CLASP2: variants seen among roughly 807,000 people sequenced by gnomAD.
CLASP2 encodes the protein CLIP-associating protein 2.
A neutral mutation model predicts 194.4 loss-of-function variants in CLASP2; 47 were observed. The ratio of observed to expected loss-of-function variants is 0.24; its 90% CI spans 0.19 to 0.31. The LOEUF is 0.31. Among genes scored for constraint, CLASP2 ranks in the 10% least tolerant of loss-of-function variants. The pLI, the probability that CLASP2 is intolerant of heterozygous loss-of-function variation, is 1.00. For synonymous variants in CLASP2, 619 were observed against 633.5 expected (o/e 0.98, Z 0.34); for missense variants, 1,445 against 1,823.6 (o/e 0.79, Z 3.78).
chr3:33,696,882 T>C lies in CLASP2; in HGVS notation c.247A>G (p.Thr83Ala), dbSNP rs1327354882. The change falls in exon 2 of 39, where the codon ACA becomes GCA. Residue 83 changes from threonine (T) to alanine (A), a missense_variant. Physicochemically the swap from Thr to Ala is moderately conservative, Grantham distance 58. This residue lies in a region of CLASP2 where 332 missense variants were observed against 325.3 expected (regional missense o/e 1.02). Coordinates refer to ENST00000682230, the MANE Select transcript of CLASP2 (RefSeq NM_001365631.1). Reference protein sequence around the residue: ...ILSAFVDRLSTRFKSYVAMVI... With the variant: ...ILSAFVDRLSARFKSYVAMVI... ...ATTGCTACATAGGATTTAAAGCGTG[T>C]TGATAATCTGTCCACAAAGGCACTT... 1 of 1,596,036 alleles carries C rather than the reference T, an allele frequency of 6.3e-7. No individual in the cohort carries two copies. The highest frequency in any genetic ancestry group is 1.1e-5 in the South Asian group (1 of 88,168).
At position 33,576,171 on chromosome 3, in the gene CLASP2, A is replaced by T; in HGVS notation, c.2452T>A (p.Leu818Met). The change falls in exon 24 of 39, where the codon TTG (leucine) becomes ATG (methionine). Residue 818 changes from leucine (L) to methionine (M), a missense_variant and splice_region_variant. Physicochemically the swap from Leu to Met is conservative, Grantham distance 15. Coordinates refer to ENST00000682230, the MANE Select transcript of CLASP2 (RefSeq NM_001365631.1). Reference protein sequence around the residue: ...SDVEEAVADALKKPARRRYES... With the variant: ...SDVEEAVADAMKKPARRRYES... ...GATAAGAAAATGGAGAAGAGTACCA[A>T]GGCATCTGCCACCGCCTCCTCCACA... is the stretch of plus-strand genomic sequence containing the variant. 1 of 1,611,906 alleles carries T rather than the reference A, an allele frequency of 6.2e-7. No homozygotes were observed. The highest frequency in any genetic ancestry group is 8.5e-7 in the Non-Finnish European group (1 of 1,178,012).
At chr3:33,624,127 A>G (rs2077578022) in intron 10 of CLASP2, among the ~76,000 whole-genome samples, 1 of 152,176 alleles carries the variant, frequency 6.6e-6, no homozygotes, top group Non-Finnish European at 1.5e-5. Flanking sequence ...AAAAAGAGAT[A>G]CACACACGTG....
intron 36 of CLASP2, 134 bp downstream of exon 36, chr3:33,515,889 T>A: frequency 1.3e-6 from 1 of 778,124 alleles, no homozygotes; most frequent in East Asian, 3.0e-5. Flanking sequence ...TATGCTTGCA[T>A]CTCGATCAGG....
chr3:33,548,484 A>G (rs569989778), intron 30 of CLASP2, among the ~76,000 whole-genome samples: 316 of 151,846 alleles, frequency 2.1e-3, no homozygotes, highest in Non-Finnish European at 3.8e-3. Flanking sequence ...TTTTTAGTAG[A>G]GACAGGGTTT....
intron 34 of CLASP2, among the ~76,000 whole-genome samples, chr3:33,530,132 T>A (rs111975601): frequency 0.025 from 3,515 of 141,926 alleles, 129 homozygotes; most frequent in African/African-American, 0.088. Context: ...AAAAAAAAAA[T>A]AAGTATGAGT....
At chr3:33,528,697 G>C (rs1455213179) in intron 34 of CLASP2, among the ~76,000 whole-genome samples, 1 of 151,962 alleles carries the variant, frequency 6.6e-6, no homozygotes, top group African/African-American at 2.4e-5. Flanking sequence ...AGGAGGCAGA[G>C]GTTGCTGTGA....
Position 33,684,439 on chromosome 3 carries a change from T to C in CLASP2, c.564A>G (p.Ile188Met), listed in dbSNP as rs1418546147. Residue 188 changes from isoleucine (I) to methionine (M), a missense_variant, in exon 6 of 39, where the codon ATA (isoleucine) becomes ATG (methionine). Transcript: ENST00000682230. ...GTCTATAAATCTCCACTATAGCCAA[T>C]ATTGCAGCATCTCTCACCTGTCAAA... ...DSNSQVRDAA[I>M]LAIVEIYRHV... is the part of the protein sequence containing the mutation. 1.3e-6 allele frequency: 2 copies of C among 1,598,786 alleles called. No individual in the cohort carries two copies. The highest frequency in any genetic ancestry group is 1.7e-6 in the Non-Finnish European group (2 of 1,171,478).
chr3:33,638,204 T>A (rs1476546599), intron 8 of CLASP2, among the ~76,000 whole-genome samples: 7 of 152,222 alleles, frequency 4.6e-5, no homozygotes, highest in Admixed American at 2.6e-4. Context: ...TAGTTACACC[T>A]CAGGGTGATG....
At chr3:33,700,133 T>C (rs2092270428) in intron 1 of CLASP2, among the ~76,000 whole-genome samples, 2 of 152,252 alleles carry the variant, frequency 1.3e-5, no homozygotes, top group South Asian at 4.1e-4. Flanking sequence ...AAAATAAATA[T>C]TTAAAACCTT....
chr3:33,517,921 T>C (rs1254398757), intron 34 of CLASP2, among the ~76,000 whole-genome samples: 1 of 152,202 alleles, frequency 6.6e-6, no homozygotes, highest in Non-Finnish European at 1.5e-5. Context: ...GTGTTGGGAT[T>C]ATAGGCATGA....
At chr3:33,532,354 C>G (rs2056508408) in intron 34 of CLASP2, among the ~76,000 whole-genome samples, 2 of 151,992 alleles carry the variant, frequency 1.3e-5, no homozygotes, top group Admixed American at 1.3e-4. Flanking sequence ...TGGTAGTTGC[C>G]AGGGGCTGGA....
chr3:33,534,392 T>A (rs1341227246), intron 34 of CLASP2, among the ~76,000 whole-genome samples: 2 of 151,886 alleles, frequency 1.3e-5, no homozygotes, highest in Non-Finnish European at 2.9e-5. Flanking sequence ...GGAGGCCCCA[T>A]CTCTATAGAA....
intron 1 of CLASP2, among the ~76,000 whole-genome samples, chr3:33,708,496 A>ATATATATG (rs1559702688): frequency 5.6e-5 from 5 of 89,008 alleles, no homozygotes; most frequent in East Asian, 4.1e-4. Flanking sequence ...GTATGTATAT[A>ATATATATG]TATATATATG....
chr3:33,685,166 C>T (rs1421984405), intron 5 of CLASP2, among the ~76,000 whole-genome samples: 1 of 150,816 alleles, frequency 6.6e-6, no homozygotes, highest in Non-Finnish European at 1.5e-5. Flanking sequence ...CACGGTGAAA[C>T]CCCATTTCTA....
chr3:33,690,301 A>G (rs1449403854), intron 2 of CLASP2, among the ~76,000 whole-genome samples: 1 of 152,186 alleles, frequency 6.6e-6, no homozygotes, highest in Non-Finnish European at 1.5e-5. Context: ...CCCTTAAATT[A>G]CCACTACCAT....
At chr3:33,587,120 C>T (rs1433078591) in intron 21 of CLASP2, among the ~76,000 whole-genome samples, 6 of 151,674 alleles carry the variant, frequency 4.0e-5, no homozygotes. Flanking sequence ...ATCTGTGATT[C>T]TTTTTTTTCT....
chr3:33,699,072 CA>C (rs2092178971), intron 1 of CLASP2, among the ~76,000 whole-genome samples: 1 of 152,120 alleles, frequency 6.6e-6, no homozygotes, highest in East Asian at 1.9e-4. Context: ...GCATTAAAAG[CA>C]AGGTAAAAGT....
intron 8 of CLASP2, among the ~76,000 whole-genome samples, chr3:33,634,832 T>C (rs916792600): frequency 6.6e-6 from 1 of 152,154 alleles, no homozygotes; most frequent in Non-Finnish European, 1.5e-5. Flanking sequence ...AAAATTCAAC[T>C]TCCTAAGGTA....
intron 38 of CLASP2, 68 bp downstream of exon 38, chr3:33,501,584 A>T: frequency 1.1e-6 from 1 of 940,740 alleles, no homozygotes; most frequent in East Asian, 2.4e-5. Flanking sequence ...TTACTGTTAC[A>T]GACATGTAAC....
Sources: allele counts gnomAD v4.1 joint callset (sites outside exome capture counted in the v4.1 genomes callset), GRCh38; gene constraint gnomAD v4.1.1; regional missense constraint gnomAD v4.1.1; transcripts MANE v1.5; gene names NCBI Gene and HGNC (gene_info 2026-07-23, HGNC 2026-07-21).